Variants in COL11A1 observed in about 807,000 individuals in gnomAD.
The protein encoded by COL11A1 is collagen alpha-1(XI) chain.
COL11A1 carries 74 observed loss-of-function variants against 265.2 expected under a neutral mutation model. That is an observed-to-expected ratio of 0.28 (90% CI 0.23 to 0.34). The LOEUF is 0.34. Among genes scored for constraint, COL11A1 ranks in the 10% least tolerant of loss-of-function variants. The pLI, the probability that COL11A1 is intolerant of heterozygous loss-of-function variation, is 1.00. For synonymous variants in COL11A1, 816 were observed against 727.6 expected, an observed-to-expected ratio of 1.12 and a Z score of -1.96; for missense variants, 2,165 against 2,263.6, an observed-to-expected ratio of 0.96 and a Z score of 0.88.
At chr1:103,014,434 A>G (rs2101898812) in intron 13 of COL11A1, 77 bp downstream of exon 13, 1 of 1,154,792 alleles carries the variant, frequency 8.7e-7, no homozygotes, top group Non-Finnish European at 1.3e-6. Context: ...TAATGGTAGC[A>G]TCTTCCGTAT....
At chr1:102,976,393 G>A (rs1250770535) in intron 35 of COL11A1, among the ~76,000 whole-genome samples, 1 of 138,400 alleles carries the variant, frequency 7.2e-6, no homozygotes, top group Non-Finnish European at 1.5e-5. Context: ...CCGCCTCCTG[G>A]GTTCAAGCAA....
At chr1:102,908,218 A>G (rs1654223435) in intron 54 of COL11A1, among the ~76,000 whole-genome samples, 1 of 151,848 alleles carries the variant, frequency 6.6e-6, no homozygotes, top group African/African-American at 2.4e-5. Context: ...CCTTTGGCAT[A>G]TTTTTTTCTA....
At chr1:102,962,984 T>C (rs1661066598) in intron 38 of COL11A1, among the ~76,000 whole-genome samples, 1 of 152,182 alleles carries the variant, frequency 6.6e-6, no homozygotes, top group South Asian at 2.1e-4. Flanking sequence ...AAAAGGAAAG[T>C]ACATAAATAA....
intron 41 of COL11A1, among the ~76,000 whole-genome samples, chr1:102,956,080 C>T (rs1281296515): frequency 1.3e-5 from 2 of 152,174 alleles, no homozygotes; most frequent in Non-Finnish European, 2.9e-5. Flanking sequence ...CCTCAGTATA[C>T]AATAACTCCC....
chr1:102,929,541 G>T (rs1251168918), intron 46 of COL11A1, among the ~76,000 whole-genome samples: 2 of 151,996 alleles, frequency 1.3e-5, no homozygotes, highest in Non-Finnish European at 2.9e-5. Flanking sequence ...CTCCAGCTTT[G>T]TTTTTTTGGC....
intron 1 of COL11A1, among the ~76,000 whole-genome samples, 163 bp from the exon 2 acceptor site, chr1:103,083,135 G>A (rs969925990): frequency 6.6e-6 from 1 of 151,974 alleles, no homozygotes; most frequent in Non-Finnish European, 1.5e-5. Context: ...TGGGGCAGCA[G>A]GTAGTAATAT....
At chr1:102,961,797 G>A (rs1660933444) in intron 41 of COL11A1, 69 bp downstream of exon 41, 11 of 1,366,742 alleles carry the variant, frequency 8.0e-6, no homozygotes, top group Non-Finnish European at 1.1e-5. Context: ...ATCACAGCAT[G>A]AGAGTAATGA....
At chr1:102,912,072 T>C in intron 54 of COL11A1, 87 bp downstream of exon 54, 1 of 1,086,834 alleles carries the variant, frequency 9.2e-7, no homozygotes, top group Non-Finnish European at 1.4e-6. Flanking sequence ...TCTTATAACA[T>C]GCTGCCTGCA....
At chr1:102,996,181 T>C in intron 26 of COL11A1, 139 bp from the exon 27 acceptor site, 1 of 804,108 alleles carries the variant, frequency 1.2e-6, no homozygotes, top group Non-Finnish European at 2.0e-6. Context: ...TTTGGTAGTT[T>C]ACTCTTTATT....
At chr1:102,903,134 A>T (rs1397879901) in intron 54 of COL11A1, among the ~76,000 whole-genome samples, 2 of 152,058 alleles carry the variant, frequency 1.3e-5, no homozygotes, top group Middle Eastern at 3.2e-3. Flanking sequence ...TAACTTTAGT[A>T]TTAGAAGTCC....
chr1:103,098,101 A>T (rs1673933135), intron 1 of COL11A1, among the ~76,000 whole-genome samples: 1 of 151,968 alleles, frequency 6.6e-6, no homozygotes, highest in South Asian at 2.1e-4. Context: ...AACTAAAATT[A>T]TACTTCCAAT....
chr1:103,089,611 A>G (rs926713622), intron 1 of COL11A1, among the ~76,000 whole-genome samples: 1 of 152,218 alleles, frequency 6.6e-6, no homozygotes, highest in Non-Finnish European at 1.5e-5. Context: ...ATTGATATTC[A>G]CTATCAAATT....
intron 62 of COL11A1, 139 bp from the exon 63 acceptor site, chr1:102,887,195 G>T: frequency 1.0e-6 from 1 of 997,518 alleles, no homozygotes; most frequent in South Asian, 1.4e-5. Flanking sequence ...TATGCTATAG[G>T]ATAAGTTTAT....
intron 1 of COL11A1, among the ~76,000 whole-genome samples, chr1:103,097,319 C>T (rs777981638): frequency 6.6e-6 from 1 of 151,948 alleles, no homozygotes; most frequent in Admixed American, 6.6e-5. Context: ...GCTTCTTCTC[C>T]AGACATACTG....
chr1:102,991,234 A>G (rs1027027660), intron 28 of COL11A1, among the ~76,000 whole-genome samples: 5 of 152,078 alleles, frequency 3.3e-5, no homozygotes, highest in African/African-American at 1.2e-4. Context: ...TTCAGTTGGT[A>G]GAAATGAATT....
At chr1:103,023,789 T>C (rs1667295771) in intron 7 of COL11A1, among the ~76,000 whole-genome samples, 1 of 152,176 alleles carries the variant, frequency 6.6e-6, no homozygotes, top group South Asian at 2.1e-4. Context: ...AATAGAGATG[T>C]ATCATTACAA....
chr1:102,902,884 A>G (rs1424752813), intron 54 of COL11A1, among the ~76,000 whole-genome samples: 1 of 151,420 alleles, frequency 6.6e-6, no homozygotes, highest in Non-Finnish European at 1.5e-5. Flanking sequence ...ACACATATAT[A>G]TATACTATAT....
At chr1:103,026,966 G>A (rs1432896380) in intron 5 of COL11A1, among the ~76,000 whole-genome samples, 1 of 151,810 alleles carries the variant, frequency 6.6e-6, no homozygotes, top group Non-Finnish European at 1.5e-5. Context: ...ATCAAAAAGA[G>A]CACAAAATCC....
intron 14 of COL11A1, among the ~76,000 whole-genome samples, chr1:103,011,405 AAT>A (rs1205819696): frequency 6.6e-6 from 1 of 152,228 alleles, no homozygotes; most frequent in East Asian, 1.9e-4. Flanking sequence ...ATAGTATCAG[AAT>A]ATGTGTTCCC....
Sources: gnomAD v4.1 joint callset for allele counts (sites outside exome capture counted in the v4.1 genomes callset) on GRCh38, gnomAD v4.1.1 for gene constraint, MANE v1.5 for transcripts, NCBI Gene and HGNC (gene_info 2026-07-23, HGNC 2026-07-21) for gene names.